ZNF627: variants seen among roughly 807,000 people sequenced by gnomAD.
ZNF627 encodes zinc finger protein 627.
Under a neutral mutation model 10.6 loss-of-function variants are expected in ZNF627, and 12 were observed. The ratio of observed to expected loss-of-function variants is 1.13; its 90% CI spans 0.73 to 1.84. ZNF627 has a LOEUF of 1.84. ZNF627 is among the 40% of genes most tolerant of loss of function. The pLI, the probability that ZNF627 is intolerant of heterozygous loss-of-function variation, is 0.00. For missense variants in ZNF627, 504 were observed against 568.4 expected, an observed-to-expected ratio of 0.89 and a Z score of 1.15; for synonymous variants, 176 against 187.1, an observed-to-expected ratio of 0.94 and a Z score of 0.48.
chr19:11,600,987 G>A (rs1052416903), intron 1 of ZNF627, among the ~76,000 whole-genome samples: 1 of 152,132 alleles, frequency 6.6e-6, no homozygotes, highest in Non-Finnish European at 1.5e-5. Context: ...CAAACCCTGG[G>A]TATTTTCTCA....
At chr19:11,614,007 C>T (rs917910802) in intron 1 of ZNF627, among the ~76,000 whole-genome samples, 2 of 149,396 alleles carry the variant, frequency 1.3e-5, no homozygotes, top group Non-Finnish European at 3.0e-5. Context: ...CTGCAAGCTT[C>T]GCCTTCTGGG....
chr19:11,602,791 C>T (rs1320067862), intron 1 of ZNF627, among the ~76,000 whole-genome samples: 1 of 152,192 alleles, frequency 6.6e-6, no homozygotes, highest in Non-Finnish European at 1.5e-5. Context: ...AGATCAGAAC[C>T]TTCACCTGGC....
At chr19:11,615,210 T>A (rs1468720306) in intron 3 of ZNF627, among the ~76,000 whole-genome samples, 5 of 120,012 alleles carry the variant, frequency 4.2e-5, no homozygotes, top group Non-Finnish European at 9.6e-5. Context: ...CCTCCCAAAG[T>A]GCTGGGATTA....
chr19:11,612,502 A>G (rs1012088577), intron 1 of ZNF627, among the ~76,000 whole-genome samples: 1 of 136,844 alleles, frequency 7.3e-6, no homozygotes, highest in African/African-American at 2.8e-5. Context: ...GCTTACTGCA[A>G]CCTCTGCGTG....
rs571680832 is a variant in ZNF627 at position 11,606,757 on chromosome 19, G to C, written c.4-7770G>C. On this transcript the variant is annotated intron_variant, in intron 1 of 3. Transcript: ENST00000361113. ...GTACATCTTCTGAAATCTCGGCAGAGGTTCCCAAACCTCAATTCTTGTCTT... is the reference window on the plus strand; with the variant it reads ...GTACATCTTCTGAAATCTCGGCAGACGTTCCCAAACCTCAATTCTTGTCTT... Among the ~76,000 whole-genome samples the C allele has an allele frequency of 3.3e-5, 5 of 152,362 alleles. No individual in the cohort carries two copies. In the South Asian group the frequency reaches 8.3e-4, roughly 25 times the overall value.
intron 1 of ZNF627, among the ~76,000 whole-genome samples, chr19:11,611,410 T>G (rs1973769853): frequency 6.6e-6 from 1 of 152,038 alleles, no homozygotes; most frequent in Admixed American, 6.6e-5. Context: ...CTCACCCCAG[T>G]CTCAACCTCC....
intron 1 of ZNF627, chr19:11,604,355 G>A (rs1288755072): frequency 6.6e-6 from 1 of 152,190 alleles, no homozygotes; most frequent in African/African-American, 2.4e-5. Context: ...TTGGCAGCCA[G>A]GACTCCCAGG....
chr19:11,606,688 T>A (rs1052168022), intron 1 of ZNF627, among the ~76,000 whole-genome samples: 1 of 152,236 alleles, frequency 6.6e-6, no homozygotes. Flanking sequence ...CCATGAGGGC[T>A]CCGCCCCTGT....
At chr19:11,611,580 G>T (rs1973772758) in intron 1 of ZNF627, among the ~76,000 whole-genome samples, 1 of 152,106 alleles carries the variant, frequency 6.6e-6, no homozygotes, top group Non-Finnish European at 1.5e-5. Flanking sequence ...GTGTGTTTTT[G>T]TTTAAAAAGG....
rs201438411 is a variant in ZNF627 at position 11,597,616 on chromosome 19, G to A, written c.-12G>A. The A allele has an allele frequency of 1.0e-5, 14 of 1,333,830 alleles. No homozygotes were observed. Among genetic ancestry groups the A allele is most frequent in the Non-Finnish European group, 6.8e-6 (7 of 1,035,620 alleles). 82.6% of individuals were successfully genotyped at this position (1,333,830 alleles called of 1,614,324 possible). The stretch of plus-strand genomic sequence containing the variant: ...TCGTAGGGAGGACGCCGGGACACCT[G>A]GAAGCCGAGAAATGGTGCGTGTGAG... On this transcript the variant is annotated 5_prime_UTR_variant, in exon 1 of 4. Transcript: ENST00000361113.
chr19:11,615,045 C>G (rs930903291), intron 3 of ZNF627, among the ~76,000 whole-genome samples, 158 bp downstream of exon 3: 1 of 150,576 alleles, frequency 6.6e-6, no homozygotes, highest in African/African-American at 2.4e-5. Context: ...CTCCCAGGTT[C>G]AAGTGATTCT....
At chr19:11,599,319 C>T (rs954867455) in intron 1 of ZNF627, among the ~76,000 whole-genome samples, 1 of 152,178 alleles carries the variant, frequency 6.6e-6, no homozygotes, top group Non-Finnish European at 1.5e-5. Context: ...AGCTTTTCTT[C>T]CCCTAATTCC....
intron 1 of ZNF627, among the ~76,000 whole-genome samples, chr19:11,608,547 G>A (rs931893216): frequency 6.6e-6 from 1 of 152,152 alleles, no homozygotes; most frequent in South Asian, 2.1e-4. Context: ...CAAGTGGTGA[G>A]TAGCCATTTG....
At position 11,615,346 on chromosome 19, in the gene ZNF627, A is replaced by G. The variant is rs915530918; in HGVS notation, c.191+459A>G. 5.3e-5 allele frequency among the ~76,000 whole-genome samples: 8 copies of G among 149,744 alleles called. No individual in the cohort carries two copies. In the South Asian group the frequency reaches 1.7e-3, roughly 33 times the overall value. ...CCAGGCATGGTGACTCACGCCTGTA[A>G]TCCCAGCACTTTGGGAGGCTGAGGT... is the stretch of plus-strand genomic sequence containing the variant. On this transcript the variant is annotated intron_variant, in intron 3 of 3. Coordinates refer to ENST00000361113, the MANE Select transcript of ZNF627 (RefSeq NM_145295.4).
chr19:11,612,118 C>CTTTTTTTTTTT (rs533449447), intron 1 of ZNF627, among the ~76,000 whole-genome samples: 4 of 91,724 alleles, frequency 4.4e-5, no homozygotes, highest in Non-Finnish European at 8.2e-5. Flanking sequence ...GGTCCAACTG[C>CTTTTTTTTTTT]TTTTTTTTTT....
intron 1 of ZNF627, among the ~76,000 whole-genome samples, chr19:11,608,230 T>C (rs12979369): frequency 0.41 from 62,844 of 151,894 alleles, 13,286 homozygotes; most frequent in Non-Finnish European, 0.47. Context: ...AAATTACCTC[T>C]CACCGGGTCC....
rs1234568929 is a variant in ZNF627 at position 11,617,297 on chromosome 19, A to G, written c.794A>G (p.Tyr265Cys). The G allele has an allele frequency of 1.2e-6, 2 of 1,613,848 alleles. No individual in the cohort carries two copies. The highest frequency in any genetic ancestry group is 2.2e-5 in the South Asian group (2 of 91,076). ...QCGKAFSCSK[Y>C]IRIHERTHTG... ...GGGAAAGCTTTCAGTTGTTCCAAGTACATTCGAATCCATGAACGAACTCAC... is the reference window on the plus strand; with the variant it reads ...GGGAAAGCTTTCAGTTGTTCCAAGTGCATTCGAATCCATGAACGAACTCAC... Residue 265 changes from tyrosine (Y) to cysteine (C), a missense_variant, in exon 4 of 4, where the codon TAC becomes TGC. Transcript: ENST00000361113.
intron 1 of ZNF627, 39 bp downstream of exon 1, chr19:11,597,669 G>C (rs779809237): frequency 7.5e-7 from 1 of 1,335,590 alleles, no homozygotes; most frequent in Admixed American, 3.0e-5. Flanking sequence ...ACCTGGGGGA[G>C]GGGCTGGTTG....
In ZNF627 at chr19:11,610,047, ATTTTTTTTTTT is replaced by A. The variant is rs71166614; in HGVS notation, c.4-4468_4-4458del. 3.5e-5 allele frequency among the ~76,000 whole-genome samples: 4 copies of A among 114,844 alleles called. 1 individual carries two copies. Among genetic ancestry groups the A allele is most frequent in the African/African-American group, 1.0e-4 (3 of 29,810 alleles). The allele number at this position is 114,844 out of a possible 152,430, so 75.3% of individuals were successfully genotyped here. A position where few individuals can be genotyped will look rare whatever the true frequency, so the allele number is the denominator to read the frequency against. Reference sequence around the variant, plus strand: ...GTTTTTGTTGAAAAGTGGGATTTGAATTTTTTTTTTTTTTTTTTTTTTGAGACGGAGTCTTG... The same window carrying A: ...GTTTTTGTTGAAAAGTGGGATTTGAATTTTTTTTTTTGAGACGGAGTCTTG... On this transcript the variant is annotated intron_variant, in intron 1 of 3. Transcript: ENST00000361113.
Sources: allele counts gnomAD v4.1 joint callset (sites outside exome capture counted in the v4.1 genomes callset), GRCh38; gene constraint gnomAD v4.1.1; transcripts MANE v1.5; gene names NCBI Gene and HGNC (gene_info 2026-07-23, HGNC 2026-07-21).